Variants in ERC1 observed in about 807,000 individuals in gnomAD.
ERC1 encodes RAB6 interacting protein 2.
A neutral mutation model predicts 132.0 loss-of-function variants in ERC1; 56 were observed. That is an observed-to-expected ratio of 0.42 (90% CI 0.34 to 0.53). The LOEUF (loss-of-function observed/expected upper bound fraction) is 0.53. Ranked by LOEUF, ERC1 falls within the 20% of genes least tolerant of loss-of-function variation. The probability of loss-of-function intolerance (pLI) is 0.03; values close to 1 mark genes in which losing one functional copy is unlikely to be tolerated. For missense variants in ERC1, 1,202 were observed against 1,349.9 expected (o/e 0.89, Z 1.72); for synonymous variants, 478 against 476.1 (o/e 1.00, Z -0.05).
chr12:1,015,454 T>G (rs1325622388), intron 1 of ERC1, among the ~76,000 whole-genome samples: 2 of 152,210 alleles, frequency 1.3e-5, no homozygotes, highest in African/African-American at 4.8e-5. Flanking sequence ...ATACATAAAT[T>G]TATTCAACTA....
intron 1 of ERC1, among the ~76,000 whole-genome samples, chr12:1,002,390 C>T (rs1040226341): frequency 4.8e-5 from 7 of 145,864 alleles, no homozygotes; most frequent in East Asian, 4.1e-4. Context: ...TTTTACTATG[C>T]TGCTCAGGCT....
chr12:1,097,394 T>A (rs1944169875), intron 3 of ERC1, among the ~76,000 whole-genome samples: 1 of 152,194 alleles, frequency 6.6e-6, no homozygotes, highest in Admixed American at 6.5e-5. Flanking sequence ...TTAGGCCTGG[T>A]TTAGAATAGC....
At chr12:1,408,712 A>C (rs2091663178) in intron 17 of ERC1, among the ~76,000 whole-genome samples, 1 of 152,252 alleles carries the variant, frequency 6.6e-6, no homozygotes, top group African/African-American at 2.4e-5. Flanking sequence ...GTGAAGATTG[A>C]AACTTAGTTC....
chr12:1,048,198 G>T (rs1158059107), intron 2 of ERC1, among the ~76,000 whole-genome samples: 3 of 152,194 alleles, frequency 2.0e-5, no homozygotes, highest in Admixed American at 2.0e-4. Context: ...CCCAGTATGG[G>T]ATAGGGTTAT....
At chr12:1,220,852 G>A (rs974145032) in intron 12 of ERC1, among the ~76,000 whole-genome samples, 1 of 152,194 alleles carries the variant, frequency 6.6e-6, no homozygotes, top group African/African-American at 2.4e-5. Flanking sequence ...GTGGCCTGCT[G>A]CATCTGTCTG....
chr12:1,061,416 T>G (rs1411391875), intron 2 of ERC1, among the ~76,000 whole-genome samples: 2 of 140,292 alleles, frequency 1.4e-5, no homozygotes, highest in Non-Finnish European at 3.0e-5. Flanking sequence ...GGCAAGATGG[T>G]GAAACCCTGT....
At chr12:993,091 A>C (rs1240944023) in intron 1 of ERC1, among the ~76,000 whole-genome samples, 2 of 152,232 alleles carry the variant, frequency 1.3e-5, no homozygotes, top group African/African-American at 4.8e-5. Context: ...GGTATGGGAA[A>C]CAGGACATAA....
At chr12:1,329,065 G>A (rs12315437) in intron 15 of ERC1, among the ~76,000 whole-genome samples, 22,326 of 144,632 alleles carry the variant, frequency 0.15, 4,978 homozygotes, top group African/African-American at 0.41. Context: ...AGGCTGAGGC[G>A]GGCAGATCAC....
chr12:1,196,283 A>C (rs1956220598), intron 12 of ERC1, among the ~76,000 whole-genome samples: 1 of 152,054 alleles, frequency 6.6e-6, no homozygotes, highest in Non-Finnish European at 1.5e-5. Context: ...CCTGGAACAG[A>C]TCTCACCCTT....
chr12:1,231,167 G>T (rs2075010083), intron 12 of ERC1, among the ~76,000 whole-genome samples: 1 of 150,612 alleles, frequency 6.6e-6, no homozygotes, highest in African/African-American at 2.4e-5. Flanking sequence ...GTAATTGTAT[G>T]CTTAATTCCT....
intron 15 of ERC1, among the ~76,000 whole-genome samples, chr12:1,337,916 A>G (rs2083448863): frequency 6.6e-6 from 1 of 152,144 alleles, no homozygotes; most frequent in African/African-American, 2.4e-5. Flanking sequence ...TGTTAGTCTG[A>G]TGGACTTGCC....
chr12:1,004,826 G>C (rs1457164752), intron 1 of ERC1, among the ~76,000 whole-genome samples: 1 of 141,010 alleles, frequency 7.1e-6, no homozygotes, highest in African/African-American at 2.5e-5. Context: ...GTGTGTGTGT[G>C]TGTGTGTGTG....
At chr12:1,454,772 A>G (rs1405634882) in intron 18 of ERC1, among the ~76,000 whole-genome samples, 1 of 152,220 alleles carries the variant, frequency 6.6e-6, no homozygotes, top group Non-Finnish European at 1.5e-5. Context: ...GCGTTTTAAT[A>G]CATATATGTT....
At chr12:1,354,139 TA>T (rs558265406) in intron 15 of ERC1, among the ~76,000 whole-genome samples, 253 of 152,210 alleles carry the variant, frequency 1.7e-3, no homozygotes, top group Admixed American at 2.8e-3. Flanking sequence ...CATTCCCACG[TA>T]GTCTTTAATC....
At chr12:1,225,564 C>T (rs2074515891) in intron 12 of ERC1, among the ~76,000 whole-genome samples, 2 of 151,862 alleles carry the variant, frequency 1.3e-5, no homozygotes, top group South Asian at 4.1e-4. Context: ...CGACTAAAAA[C>T]ACCATAACCT....
intron 15 of ERC1, among the ~76,000 whole-genome samples, chr12:1,364,212 C>T (rs1370833881): frequency 1.3e-5 from 2 of 152,184 alleles, no homozygotes; most frequent in Non-Finnish European, 2.9e-5. Flanking sequence ...TCTTTAGGAA[C>T]TGTTTTTGTA....
intron 12 of ERC1, among the ~76,000 whole-genome samples, chr12:1,234,441 G>A (rs1017470477): frequency 6.6e-6 from 1 of 152,208 alleles, no homozygotes; most frequent in Admixed American, 6.5e-5. Context: ...AAGTTGAGGA[G>A]CATCTGTAGT....
intron 18 of ERC1, among the ~76,000 whole-genome samples, chr12:1,456,967 A>G (rs186688608): frequency 3.3e-5 from 5 of 152,344 alleles, no homozygotes; most frequent in African/African-American, 7.2e-5. Flanking sequence ...GTCATGTGCT[A>G]CATAACAATA....
Position 1,129,666 on chromosome 12 carries a change from AT to A in ERC1, c.1570-11952del, listed in dbSNP as rs1303429164. 2.0e-5 allele frequency among the ~76,000 whole-genome samples: 3 copies of A among 152,370 alleles called. No individual in the cohort carries two copies. The East Asian group carries it at 5.8e-4, about 29-fold the overall frequency. On this transcript the variant is annotated intron_variant, in intron 7 of 18. Transcript: ENST00000360905. ...AAATCTTCAAAGTTTAGTGAAAAACATTGGCAACTCAGAATTCTGTACCAAG... is the reference window on the plus strand; with the variant it reads ...AAATCTTCAAAGTTTAGTGAAAAACATGGCAACTCAGAATTCTGTACCAAG...
Sources: allele counts gnomAD v4.1 joint callset (sites outside exome capture counted in the v4.1 genomes callset), GRCh38; gene constraint gnomAD v4.1.1; transcripts MANE v1.5; gene names NCBI Gene and HGNC (gene_info 2026-07-23, HGNC 2026-07-21).